Variants in SMAP1 observed in about 807,000 individuals in gnomAD.
The protein encoded by SMAP1 is small ArfGAP 1, also known as stromal membrane-associated protein 1.
A neutral mutation model predicts 58.5 loss-of-function variants in SMAP1; 24 were observed. The observed-to-expected ratio is 0.41, with a 90% CI of 0.30 to 0.58. The LOEUF (loss-of-function observed/expected upper bound fraction) is 0.58. SMAP1 is among the 20% of genes least tolerant of loss of function. The pLI is 0.29. For missense variants in SMAP1, 563 were observed against 566.3 expected (o/e 0.99, Z 0.06); for synonymous variants, 216 against 196.6 (o/e 1.10, Z -0.82).
chr6:70,682,291 C>T (rs369316024), intron 1 of SMAP1, among the ~76,000 whole-genome samples: 1 of 148,522 alleles, frequency 6.7e-6, no homozygotes, highest in East Asian at 2.0e-4. Flanking sequence ...TGGGTTCAAG[C>T]GATTCTCCTG....
intron 5 of SMAP1, among the ~76,000 whole-genome samples, chr6:70,796,560 T>G (rs1375513443): frequency 6.6e-6 from 1 of 152,226 alleles, no homozygotes; most frequent in African/African-American, 2.4e-5. Flanking sequence ...GGTTTTGATT[T>G]GGGAAATGGT....
intron 1 of SMAP1, among the ~76,000 whole-genome samples, chr6:70,717,039 T>C (rs1194975960): frequency 1.3e-5 from 2 of 152,202 alleles, no homozygotes; most frequent in African/African-American, 2.4e-5. Context: ...TCTAGGTACC[T>C]CTAAAATCTT....
intron 1 of SMAP1, among the ~76,000 whole-genome samples, chr6:70,698,770 C>T (rs766429110): frequency 1.2e-4 from 18 of 152,024 alleles, no homozygotes; most frequent in East Asian, 3.9e-4. Flanking sequence ...TAAATTTATC[C>T]GATAGAATTC....
chr6:70,692,144 G>C lies in SMAP1; in HGVS notation c.118+24003G>C, dbSNP rs535629932. Among the ~76,000 whole-genome samples, 48 of 152,270 alleles carry C rather than the reference G, an allele frequency of 3.2e-4. No homozygotes were observed. The South Asian group carries it at 7.3e-3, about 23-fold the overall frequency. On this transcript the variant is annotated intron_variant, in intron 1 of 10. Transcript: ENST00000370455. ...AAAGCCATTTTAACTGGAGTGAGAT[G>C]ATATCTCATTGTAATTTTAATTTGC...
At chr6:70,712,980 A>T (rs1408293319) in intron 1 of SMAP1, among the ~76,000 whole-genome samples, 1 of 151,382 alleles carries the variant, frequency 6.6e-6, no homozygotes, top group Non-Finnish European at 1.5e-5. Context: ...TTTAGTAGAG[A>T]TGGGGTTTCA....
At position 70,853,218 on chromosome 6, in the gene SMAP1, T is replaced by G. The variant is rs1437954534; in HGVS notation, c.789+554T>G. On this transcript the variant is annotated intron_variant, in intron 8 of 10. Transcript: ENST00000370455. ...TACCTTGCTTTTTTTTTTAAGTGAT[T>G]TTTTAAAAATCTAGAACAGTAATAA... Among the ~76,000 whole-genome samples, 4 of 152,166 alleles carry G rather than the reference T, an allele frequency of 2.6e-5. No homozygotes were observed. The East Asian group carries it at 7.7e-4, about 29-fold the overall frequency.
intron 1 of SMAP1, among the ~76,000 whole-genome samples, chr6:70,729,111 T>C (rs1765306158): frequency 1.3e-5 from 2 of 152,170 alleles, no homozygotes; most frequent in Non-Finnish European, 2.9e-5. Flanking sequence ...GCTTTTTTGC[T>C]CTTTTTGTTC....
chr6:70,674,852 G>A (rs935669301), intron 1 of SMAP1, among the ~76,000 whole-genome samples: 1 of 152,194 alleles, frequency 6.6e-6, no homozygotes, highest in Non-Finnish European at 1.5e-5. Context: ...GCACATGCCT[G>A]TAGTCCCAGC....
At chr6:70,850,708 T>G (rs1047458764) in intron 7 of SMAP1, among the ~76,000 whole-genome samples, 1 of 152,220 alleles carries the variant, frequency 6.6e-6, no homozygotes, top group Admixed American at 6.5e-5. Context: ...GTCATTATTA[T>G]TGGACTTCCT....
intron 6 of SMAP1, among the ~76,000 whole-genome samples, chr6:70,826,444 C>A (rs949823707): frequency 6.6e-6 from 1 of 151,776 alleles, no homozygotes; most frequent in Admixed American, 6.6e-5. Flanking sequence ...TACCAGCACT[C>A]ACTGGTTGCC....
chr6:70,830,304 G>GAT (rs1006786534), intron 6 of SMAP1, among the ~76,000 whole-genome samples: 4 of 152,136 alleles, frequency 2.6e-5, no homozygotes, highest in Non-Finnish European at 5.9e-5. Flanking sequence ...GTATCAAAAG[G>GAT]ATGACAGTTA....
chr6:70,758,162 C>T (rs1582125663), intron 3 of SMAP1, among the ~76,000 whole-genome samples: 1 of 150,704 alleles, frequency 6.6e-6, no homozygotes, highest in South Asian at 2.1e-4. Context: ...AAATGTGGCA[C>T]ATATACACCA....
intron 6 of SMAP1, among the ~76,000 whole-genome samples, chr6:70,825,850 T>A (rs1359159852): frequency 6.6e-6 from 1 of 152,186 alleles, no homozygotes; most frequent in Non-Finnish European, 1.5e-5. Flanking sequence ...TTCACACACA[T>A]GCTAAGCCGA....
chr6:70,821,220 A>G (rs1298419499), intron 6 of SMAP1, among the ~76,000 whole-genome samples: 1 of 151,666 alleles, frequency 6.6e-6, no homozygotes, highest in Non-Finnish European at 1.5e-5. Flanking sequence ...ATACCATGCA[A>G]CTCTTCCTCT....
intron 6 of SMAP1, among the ~76,000 whole-genome samples, chr6:70,808,001 TAAAG>T (rs1264789290): frequency 2.0e-5 from 3 of 151,546 alleles, no homozygotes; most frequent in African/African-American, 7.3e-5. Flanking sequence ...AATATATTCT[TAAAG>T]TAAGCTAGAG....
At chr6:70,749,756 G>A (rs1441273490) in intron 2 of SMAP1, among the ~76,000 whole-genome samples, 2 of 152,132 alleles carry the variant, frequency 1.3e-5, no homozygotes, top group Non-Finnish European at 2.9e-5. Flanking sequence ...GCATCTGAGG[G>A]ACAAAGTACA....
intron 6 of SMAP1, among the ~76,000 whole-genome samples, chr6:70,805,462 C>T (rs916111837): frequency 2.0e-5 from 3 of 152,008 alleles, no homozygotes; most frequent in Admixed American, 1.3e-4. Flanking sequence ...CCATTAGCTC[C>T]GAGAAGTTTG....
At chr6:70,685,718 G>A (rs965543025) in intron 1 of SMAP1, among the ~76,000 whole-genome samples, 4 of 152,076 alleles carry the variant, frequency 2.6e-5, no homozygotes, top group African/African-American at 7.2e-5. Flanking sequence ...GGGAGTTATC[G>A]GCATAGAAGT....
At chr6:70,801,580 G>A (rs930392048) in intron 6 of SMAP1, among the ~76,000 whole-genome samples, 1 of 152,098 alleles carries the variant, frequency 6.6e-6, no homozygotes, top group African/African-American at 2.4e-5. Flanking sequence ...TAATCATGAA[G>A]TCCTTGCCCA....
Sources: gnomAD v4.1 joint callset for allele counts (sites outside exome capture counted in the v4.1 genomes callset) on GRCh38, gnomAD v4.1.1 for gene constraint, MANE v1.5 for transcripts, NCBI Gene and HGNC (gene_info 2026-07-23, HGNC 2026-07-21) for gene names.